ATOH1: variants seen among roughly 807,000 people sequenced by gnomAD.
The protein encoded by ATOH1 is atonal bHLH transcription factor 1, also known as transcription factor ATOH1.
A neutral mutation model predicts 20.7 loss-of-function variants in ATOH1; 9 were observed. The observed-to-expected ratio is 0.44, with a 90% CI of 0.26 to 0.76. The LOEUF (loss-of-function observed/expected upper bound fraction) is 0.76, where lower values mean the gene tolerates loss of function less well. Among genes scored for constraint, ATOH1 ranks in the 30% least tolerant of loss-of-function variants. The pLI is 0.20. For missense variants in ATOH1, 516 were observed against 479.3 expected (o/e 1.08, Z -0.71); for synonymous variants, 247 against 214.3 (o/e 1.15, Z -1.33).
chr4:93,829,209 C>T lies in ATOH1; in HGVS notation c.283C>T (p.Pro95Ser), dbSNP rs200577041. The T allele has an allele frequency of 1.1e-3, 1,716 of 1,583,846 alleles. 5 individuals carry two copies. The highest frequency in any genetic ancestry group is 1.3e-3 in the Non-Finnish European group (1,559 of 1,163,884). The change falls in exon 1 of 1, where the codon CCC (proline) becomes TCC (serine). Residue 95 changes from proline (P) to serine (S), a missense_variant. By Grantham distance (74) the Pro-to-Ser change is moderately conservative. Coordinates refer to ENST00000306011, the MANE Select transcript of ATOH1 (RefSeq NM_005172.2). The surrounding 1 kb of genome is among the most constrained non-coding windows in gnomAD (Gnocchi z 4.5). ...GCTGGGTGCCTCAGAGGCCGCTGCG[C>T]CCCGGGACGAGGTGGACGGCCGGGG... ...PELGASEAAA[P>S]RDEVDGRGEL...
At position 93,828,951 on chromosome 4, in the gene ATOH1, G is replaced by C; in HGVS notation, c.25G>C (p.Glu9Gln). 1 of 1,606,498 alleles carries C rather than the reference G, an allele frequency of 6.2e-7. No homozygotes were observed. The highest frequency in any genetic ancestry group is 8.5e-7 in the Non-Finnish European group (1 of 1,175,890). The change falls in exon 1 of 1, where the codon GAG becomes CAG. Residue 9 changes from glutamate to glutamine, a missense_variant. By Grantham distance (29) the Glu-to-Gln change is conservative (BLOSUM62 2). Transcript: ENST00000306011. ...AATGTCCCGCCTGCTGCATGCAGAA[G>C]AGTGGGCTGAAGTGAAGGAGTTGGG... MSRLLHAE[E>Q]WAEVKELGDH...
rs909352484 is a variant in ATOH1, at chr4:93,829,145, C to G, written c.219C>G (p.Cys73Trp). ...TGGCTCCCACTTTGCAGGGCATCTG[C>G]ACGGCACGCGCCGCCCAGTATTTGC... The part of the protein sequence containing the change: ...AWLAPTLQGI[C>W]TARAAQYLLH... Residue 73 changes from cysteine to tryptophan, a missense_variant, in exon 1 of 1, where the codon TGC becomes TGG. By Grantham distance (215) the Cys-to-Trp change is radical. Coordinates refer to ENST00000306011, the MANE Select transcript of ATOH1 (RefSeq NM_005172.2). This position sits in a 1 kb window ranked among gnomAD's most constrained non-coding sequence, Gnocchi z 4.5. The G allele has an allele frequency of 1.2e-6, 2 of 1,601,146 alleles. No individual in the cohort carries two copies. The highest frequency in any genetic ancestry group is 1.7e-6 in the Non-Finnish European group (2 of 1,172,468).
At position 93,829,064 on chromosome 4, in the gene ATOH1, T is replaced by A; in HGVS notation, c.138T>A (p.His46Gln). 3 of 1,613,762 alleles carry A rather than the reference T, an allele frequency of 1.9e-6. No homozygotes were observed. Among genetic ancestry groups the A allele is most frequent in the Non-Finnish European group, 2.5e-6 (3 of 1,179,962 alleles). ...QPPATLQARE[H>Q]PVYPPELSLL... ...CTGCAACTTTGCAGGCGAGAGAGCA[T>A]CCCGTCTACCCGCCTGAGCTGTCCC... The change falls in exon 1 of 1, where the codon CAT (histidine) becomes CAA (glutamine). Residue 46 changes from histidine (H) to glutamine (Q), a missense_variant. Physicochemically the swap from His to Gln is conservative, Grantham distance 24 (BLOSUM62 0). Coordinates refer to ENST00000306011, the MANE Select transcript of ATOH1 (RefSeq NM_005172.2). This position sits in a 1 kb window ranked among gnomAD's most constrained non-coding sequence, Gnocchi z 4.5.
Position 93,829,829 on chromosome 4 carries a change from C to G in ATOH1, c.903C>G (p.Ala301=), listed in dbSNP as rs778916265. ...ACTTCTCGACTTTCGAGGACAGCGC[C>G]CTGACAGCGATGATGGCGCAAAAGA... ...ALHFSTFEDS[A]LTAMMAQKNL... Residue 301 remains alanine, a synonymous_variant, in exon 1 of 1, where the codon GCC becomes GCG. Coordinates refer to ENST00000306011, the MANE Select transcript of ATOH1 (RefSeq NM_005172.2). The surrounding 1 kb of genome is among the most constrained non-coding windows in gnomAD (Gnocchi z 4.5). 1.2e-6 allele frequency: 2 copies of G among 1,613,996 alleles called. No homozygotes were observed. Among genetic ancestry groups the G allele is most frequent in the Admixed American group, 3.3e-5 (2 of 60,030 alleles).
rs1735415276 is a variant in ATOH1 at position 93,830,168 on chromosome 4, C to T, written c.*177C>T. 1 of 1,307,298 alleles carries T rather than the reference C, an allele frequency of 7.6e-7. No individual in the cohort carries two copies. The highest frequency in any genetic ancestry group is 1.5e-5 in the African/African-American group (1 of 66,418). 81.0% of individuals were successfully genotyped at this position (1,307,298 alleles called of 1,614,324 possible). ...ATTTGATGGTTTGCAAATGCCGCCG[C>T]TGTTCCAAACTTCCTACGGTCCATA... On this transcript the variant is annotated 3_prime_UTR_variant, in exon 1 of 1. Transcript: ENST00000306011.
Position 93,829,236 on chromosome 4 carries a change from G to A in ATOH1, c.310G>A (p.Glu104Lys), listed in dbSNP as rs768629371. The change falls in exon 1 of 1, where the codon GAG (glutamate) becomes AAG (lysine). Residue 104 changes from glutamate (E) to lysine (K), a missense_variant. Transcript: ENST00000306011. This position sits in a 1 kb window ranked among gnomAD's most constrained non-coding sequence, Gnocchi z 4.5. ...CCGGGACGAGGTGGACGGCCGGGGG[G>A]AGCTGGTAAGGAGGAGCAGCGGCGG... ...APRDEVDGRG[E>K]LVRRSSGGAS... The A allele has an allele frequency of 6.9e-6, 11 of 1,590,694 alleles. No individual in the cohort carries two copies. The African/African-American group carries it at 1.2e-4, about 17-fold the overall frequency.
In ATOH1 at chr4:93,830,063, G is replaced by A. The variant is rs970316835; in HGVS notation, c.*72G>A. 11 of 1,512,308 alleles carry A rather than the reference G, an allele frequency of 7.3e-6. No homozygotes were observed. Among genetic ancestry groups the A allele is most frequent in the African/African-American group, 1.4e-5 (1 of 71,460 alleles). 93.7% of individuals were successfully genotyped at this position (1,512,308 alleles called of 1,614,324 possible). ...TTCCCAGTGCGCGGGAAGCCCCGCG[G>A]TTAAAGATCCCCGCACCCTTTAATT... On this transcript the variant is annotated 3_prime_UTR_variant, in exon 1 of 1. Transcript: ENST00000306011.
In ATOH1 at chr4:93,830,079, C is replaced by A; in HGVS notation, c.*88C>A. Reference sequence around the variant, plus strand: ...AGCCCCGCGGTTAAAGATCCCCGCACCCTTTAATTTTTGCTCTGCGATGGT... The same window carrying A: ...AGCCCCGCGGTTAAAGATCCCCGCAACCTTTAATTTTTGCTCTGCGATGGT... On this transcript the variant is annotated 3_prime_UTR_variant, in exon 1 of 1. Coordinates refer to ENST00000306011, the MANE Select transcript of ATOH1 (RefSeq NM_005172.2). 1 of 1,484,860 alleles carries A rather than the reference C, an allele frequency of 6.7e-7. No homozygotes were observed. 92.0% of individuals were successfully genotyped at this position (1,484,860 alleles called of 1,614,324 possible).
chr4:93,829,257 GGCGGTGCCAGCAGCA>G lies in ATOH1; in HGVS notation c.334_348del (p.Gly112_Ser116del). 2 of 1,597,466 alleles carry G rather than the reference GGCGGTGCCAGCAGCA, an allele frequency of 1.3e-6. No individual in the cohort carries two copies. The highest frequency in any genetic ancestry group is 1.7e-6 in the Non-Finnish European group (2 of 1,170,910). ...GGGGGAGCTGGTAAGGAGGAGCAGC[GGCGGTGCCAGCAGCA>G]GCAAGAGCCCCGGGCCGGTGAAAGT... On this transcript the variant is annotated inframe_deletion, in exon 1 of 1. Coordinates refer to ENST00000306011, the MANE Select transcript of ATOH1 (RefSeq NM_005172.2). The surrounding 1 kb of genome is among the most constrained non-coding windows in gnomAD (Gnocchi z 4.5).
In ATOH1 at chr4:93,830,611, C is replaced by T. The variant is rs1196735546; in HGVS notation, c.*620C>T. On this transcript the variant is annotated 3_prime_UTR_variant, in exon 1 of 1. Coordinates refer to ENST00000306011, the MANE Select transcript of ATOH1 (RefSeq NM_005172.2). The stretch of plus-strand genomic sequence containing the variant: ...GGCGTCTTTTAGGAAACTCCGCGCA[C>T]GCACTTTATCAGCCGCTGCTGCGGT... The T allele has an allele frequency of 6.0e-6, 1 of 166,762 alleles. No individual in the cohort carries two copies. Among genetic ancestry groups the T allele is most frequent in the Non-Finnish European group, 1.5e-5 (1 of 68,110 alleles). The allele number at this position is 166,762 out of a possible 1,614,324, so 10.3% of individuals were successfully genotyped here. A position where few individuals can be genotyped will look rare whatever the true frequency, so the allele number is the denominator to read the frequency against.
Position 93,829,731 on chromosome 4 carries a change from C to T in ATOH1, c.805C>T (p.Pro269Ser), listed in dbSNP as rs757670696. Residue 269 changes from proline to serine, a missense_variant, in exon 1 of 1, where the codon CCC becomes TCC. Physicochemically the swap from Pro to Ser is moderately conservative, Grantham distance 74 (BLOSUM62 -1). Coordinates refer to ENST00000306011, the MANE Select transcript of ATOH1 (RefSeq NM_005172.2). The surrounding 1 kb of genome is among the most constrained non-coding windows in gnomAD (Gnocchi z 4.5). ...CGGAGGGAGCCAGCGGCCGACCCCG[C>T]CCGGGAGTTGCCGGACTCGCTTCTC... ...ASGGSQRPTP[P>S]GSCRTRFSAP... 7 of 1,577,116 alleles carry T rather than the reference C, an allele frequency of 4.4e-6. No homozygotes were observed. The highest frequency in any genetic ancestry group is 6.0e-6 in the Non-Finnish European group (7 of 1,162,914).
At position 93,828,869 on chromosome 4, in the gene ATOH1, G is replaced by T; in HGVS notation, c.-58G>T. On this transcript the variant is annotated 5_prime_UTR_variant, in exon 1 of 1. Coordinates refer to ENST00000306011, the MANE Select transcript of ATOH1 (RefSeq NM_005172.2). ...AGACCCGGAAAGGGCCTTTTTTTTGGTTGAGCTGGTGTCCCAGTGCTGCCT... is the reference window on the plus strand; with the variant it reads ...AGACCCGGAAAGGGCCTTTTTTTTGTTTGAGCTGGTGTCCCAGTGCTGCCT... The T allele has an allele frequency of 7.4e-6, 11 of 1,492,844 alleles. No homozygotes were observed. The highest frequency in any genetic ancestry group is 1.4e-5 in the South Asian group (1 of 72,360). The allele number at this position is 1,492,844 out of a possible 1,614,324, so 92.5% of individuals were successfully genotyped here.
rs1312386839 is a variant in ATOH1, at chr4:93,830,106, G to A, written c.*115G>A. The A allele has an allele frequency of 7.0e-7, 1 of 1,437,230 alleles. No homozygotes were observed. Among genetic ancestry groups the A allele is most frequent in the Non-Finnish European group, 9.1e-7 (1 of 1,097,020 alleles). 89.0% of individuals were successfully genotyped at this position (1,437,230 alleles called of 1,614,324 possible). ...CTTTAATTTTTGCTCTGCGATGGTC[G>A]TTGTTTAGCAACGACTTGGCTTCAG... On this transcript the variant is annotated 3_prime_UTR_variant, in exon 1 of 1. Transcript: ENST00000306011.
rs1735414423 is a variant in ATOH1 at position 93,830,090 on chromosome 4, TTGCTCTGCGATGGTCG to T, written c.*101_*116del. On this transcript the variant is annotated 3_prime_UTR_variant, in exon 1 of 1. Transcript: ENST00000306011. ...TAAAGATCCCCGCACCCTTTAATTTTTGCTCTGCGATGGTCGTTGTTTAGCAACGACTTGGCTTCAG... is the reference window on the plus strand; with the variant it reads ...TAAAGATCCCCGCACCCTTTAATTTTTTGTTTAGCAACGACTTGGCTTCAG... 1 of 1,465,244 alleles carries T rather than the reference TTGCTCTGCGATGGTCG, an allele frequency of 6.8e-7. No individual in the cohort carries two copies. Among genetic ancestry groups the T allele is most frequent in the Non-Finnish European group, 9.0e-7 (1 of 1,110,612 alleles). The allele number at this position is 1,465,244 out of a possible 1,614,324, so 90.8% of individuals were successfully genotyped here.
In ATOH1 at chr4:93,830,036, C is replaced by CT. The variant is rs1353908893; in HGVS notation, c.*48dup. The CT allele has an allele frequency of 3.9e-6, 6 of 1,522,558 alleles. No individual in the cohort carries two copies. In the African/African-American group the frequency reaches 7.0e-5, roughly 18 times the overall value. 94.3% of individuals were successfully genotyped at this position (1,522,558 alleles called of 1,614,324 possible). The stretch of plus-strand genomic sequence containing the variant: ...AAACTGAGACAGAAACAAAACTGCC[C>CT]TTTCCCAGTGCGCGGGAAGCCCCGC... On this transcript the variant is annotated 3_prime_UTR_variant, in exon 1 of 1. Transcript: ENST00000306011.
chr4:93,829,874 C>T lies in ATOH1; in HGVS notation c.948C>T (p.Pro316=), dbSNP rs540814845. 2.5e-6 allele frequency: 4 copies of T among 1,614,146 alleles called. No homozygotes were observed. Among genetic ancestry groups the T allele is most frequent in the South Asian group, 1.1e-5 (1 of 91,088 alleles). Residue 316 remains proline, a synonymous_variant, in exon 1 of 1, where the codon CCC becomes CCT. Coordinates refer to ENST00000306011, the MANE Select transcript of ATOH1 (RefSeq NM_005172.2). The surrounding 1 kb of genome is among the most constrained non-coding windows in gnomAD (Gnocchi z 4.5). ...MAQKNLSPSL[P]GSILQPVQEE... ...AAAAGAATTTGTCTCCTTCTCTCCCCGGGAGCATCTTGCAGCCAGTGCAGG... is the reference window on the plus strand; with the variant it reads ...AAAAGAATTTGTCTCCTTCTCTCCCTGGGAGCATCTTGCAGCCAGTGCAGG...
chr4:93,828,844 A>T lies in ATOH1; in HGVS notation c.-83A>T. On this transcript the variant is annotated 5_prime_UTR_variant, in exon 1 of 1. Transcript: ENST00000306011. ...AAAAAAAAATAAGACGTTGCAGAAG[A>T]GACCCGGAAAGGGCCTTTTTTTTGG... 7.0e-7 allele frequency: 1 copy of T among 1,430,450 alleles called. No individual in the cohort carries two copies. The highest frequency in any genetic ancestry group is 9.3e-7 in the Non-Finnish European group (1 of 1,075,804). 88.6% of individuals were successfully genotyped at this position (1,430,450 alleles called of 1,614,324 possible).
chr4:93,828,903 G>C lies in ATOH1; in HGVS notation c.-24G>C. ...GTGTCCCAGTGCTGCCTCCGATCCT[G>C]AGCCTCCGAGCCTTTGCAGTGCAAT... On this transcript the variant is annotated 5_prime_UTR_variant, in exon 1 of 1. Transcript: ENST00000306011. 1.3e-6 allele frequency: 2 copies of C among 1,550,092 alleles called. No homozygotes were observed. Among genetic ancestry groups the C allele is most frequent in the Non-Finnish European group, 1.7e-6 (2 of 1,146,164 alleles).
rs1225134758 is a variant in ATOH1, at chr4:93,830,194, T to A, written c.*203T>A. On this transcript the variant is annotated 3_prime_UTR_variant, in exon 1 of 1. Transcript: ENST00000306011. ...TGTTCCAAACTTCCTACGGTCCATATTGTTTGATGAAAACTTTCTGTTAAA... is the reference window on the plus strand; with the variant it reads ...TGTTCCAAACTTCCTACGGTCCATAATGTTTGATGAAAACTTTCTGTTAAA... The A allele has an allele frequency of 2.6e-6, 3 of 1,158,146 alleles. No homozygotes were observed. The highest frequency in any genetic ancestry group is 3.5e-6 in the Non-Finnish European group (3 of 866,140). The allele number at this position is 1,158,146 out of a possible 1,614,324, so 71.7% of individuals were successfully genotyped here.
Sources: allele counts gnomAD v4.1 joint callset, GRCh38; gene constraint gnomAD v4.1.1; non-coding constraint Gnocchi (gnomAD v3.1); transcripts MANE v1.5; gene names NCBI Gene and HGNC (gene_info 2026-07-23, HGNC 2026-07-21).